The following IFT74 variants were observed in gnomAD, a reference collection of about 807,000 sequenced individuals.
The protein encoded by IFT74 is intraflagellar transport 74.
Under a neutral mutation model 96.7 loss-of-function variants are expected in IFT74, and 92 were observed. The ratio of observed to expected loss-of-function variants is 0.95; its 90% CI spans 0.80 to 1.13. The LOEUF (loss-of-function observed/expected upper bound fraction) is 1.13. IFT74 is among the 50% of genes most tolerant of loss of function. The pLI is 0.00. For synonymous variants in IFT74, 223 were observed against 213.2 expected (o/e 1.05, Z -0.40); for missense variants, 811 against 698.2 (o/e 1.16, Z -1.82).
intron 17 of IFT74, among the ~76,000 whole-genome samples, 163 bp from the exon 18 acceptor site, chr9:27,056,171 A>G (rs1173285196): frequency 4.6e-5 from 7 of 152,138 alleles, no homozygotes; most frequent in Non-Finnish European, 1.0e-4. Context: ...TAATGTTAAC[A>G]TAGCTTATAG....
chr9:27,064,129 C>A lies in IFT74; in HGVS notation c.*1393C>A, dbSNP rs1820537350. On this transcript the variant is annotated 3_prime_UTR_variant, in exon 20 of 20. Transcript: ENST00000380062. ...TCCCAGAGATAGTTGTCCACAAAACCCTAACTTTCACAGAGCCTAGGTCAC... is the reference window on the plus strand; with the variant it reads ...TCCCAGAGATAGTTGTCCACAAAACACTAACTTTCACAGAGCCTAGGTCAC... Among the ~76,000 whole-genome samples, 1 of 151,982 alleles carries A rather than the reference C, an allele frequency of 6.6e-6. No individual in the cohort carries two copies. Among genetic ancestry groups the A allele is most frequent in the Admixed American group, 6.6e-5 (1 of 15,248 alleles).
At chr9:26,950,071 G>A (rs1000930587) in intron 1 of IFT74, among the ~76,000 whole-genome samples, 9 of 152,158 alleles carry the variant, frequency 5.9e-5, no homozygotes, top group Non-Finnish European at 7.3e-5. Flanking sequence ...CCAGCACTTT[G>A]GGAGGCCAAG....
At chr9:27,028,775 C>A in intron 12 of IFT74, 3 of 240,010 alleles carry the variant, frequency 1.2e-5, no homozygotes, top group Non-Finnish European at 2.4e-5. Flanking sequence ...AAAAAAAGAT[C>A]TAGACAAGAT....
At chr9:26,984,644 G>A in intron 6 of IFT74, 85 bp downstream of exon 6, 2 of 995,532 alleles carry the variant, frequency 2.0e-6, no homozygotes, top group Non-Finnish European at 3.1e-6. Flanking sequence ...GTAGGCAAAG[G>A]ACATGCACAG....
At chr9:27,060,803 CA>C (rs896494749) in intron 19 of IFT74, 152 bp downstream of exon 19, 40 of 461,040 alleles carry the variant, frequency 8.7e-5, no homozygotes, top group East Asian at 1.8e-4. Context: ...CTAAAAAATA[CA>C]AAAAAAACAT....
chr9:27,060,282 T>C (rs1031555896), intron 18 of IFT74, among the ~76,000 whole-genome samples: 2 of 152,204 alleles, frequency 1.3e-5, no homozygotes, highest in Non-Finnish European at 2.9e-5. Flanking sequence ...GTCCCATTTT[T>C]CTTTTAAAAG....
chr9:27,015,510 G>A (rs1587358048), intron 10 of IFT74, among the ~76,000 whole-genome samples: 2 of 152,034 alleles, frequency 1.3e-5, no homozygotes, highest in Admixed American at 1.3e-4. Context: ...GGTGGCAGGC[G>A]CCTATAATCC....
chr9:26,962,434 G>C (rs1273342562), intron 2 of IFT74, among the ~76,000 whole-genome samples: 1 of 152,146 alleles, frequency 6.6e-6, no homozygotes, highest in African/African-American at 2.4e-5. Flanking sequence ...TCAATTTAAA[G>C]CTGCAATAAT....
chr9:26,981,479 A>T (rs985098335), intron 4 of IFT74, among the ~76,000 whole-genome samples: 2 of 151,810 alleles, frequency 1.3e-5, no homozygotes, highest in Non-Finnish European at 2.9e-5. Flanking sequence ...CAGTGGCATG[A>T]TCTCGGTTGA....
intron 8 of IFT74, among the ~76,000 whole-genome samples, chr9:26,992,601 G>A (rs968547273): frequency 5.9e-5 from 9 of 151,944 alleles, no homozygotes; most frequent in African/African-American, 2.2e-4. Flanking sequence ...GCTGAGGCAC[G>A]CGAATCACTT....
chr9:26,989,362 A>T (rs1827772552), intron 7 of IFT74, among the ~76,000 whole-genome samples: 1 of 152,230 alleles, frequency 6.6e-6, no homozygotes, highest in Non-Finnish European at 1.5e-5. Flanking sequence ...TGATTCTAAA[A>T]TAAAAACAAA....
At chr9:27,049,838 C>T (rs1190134998) in intron 16 of IFT74, among the ~76,000 whole-genome samples, 3 of 152,140 alleles carry the variant, frequency 2.0e-5, no homozygotes, top group African/African-American at 7.2e-5. Flanking sequence ...ACTAGAGCAG[C>T]ACTGTCCAAG....
chr9:26,948,448 A>ATTTTTTTTT lies in IFT74; in HGVS notation c.-20+1334_-20+1342dup, dbSNP rs71841244. ...TGACAACCTGTGATGGCTTTCCATT[A>ATTTTTTTTT]TTTTTTTTTTTTTTTTTTTTTTTTT... On this transcript the variant is annotated intron_variant, in intron 1 of 19. Coordinates refer to the IFT74 transcript ENST00000433700. Among the ~76,000 whole-genome samples the ATTTTTTTTT allele has an allele frequency of 2.7e-3, 158 of 59,128 alleles. 24 individuals carry two copies. Among genetic ancestry groups the ATTTTTTTTT allele is most frequent in the Non-Finnish European group, 4.7e-3 (123 of 26,052 alleles). The allele number at this position is 59,128 out of a possible 152,430, so 38.8% of individuals were successfully genotyped here.
At chr9:26,999,768 T>TTA in intron 8 of IFT74, 50 of 988,292 alleles carry the variant, frequency 5.1e-5, no homozygotes, top group African/African-American at 9.1e-5. Flanking sequence ...AATCTGTTTA[T>TTA]TCTTTTTTTT....
chr9:27,011,915 A>G lies in IFT74; in HGVS notation c.736A>G (p.Thr246Ala). 1.9e-6 allele frequency: 3 copies of G among 1,567,162 alleles called. No homozygotes were observed. Among genetic ancestry groups the G allele is most frequent in the East Asian group, 2.3e-5 (1 of 43,322 alleles). The change falls in exon 10 of 20, where the codon ACA becomes GCA. Residue 246 changes from threonine (T) to alanine (A), a missense_variant. Coordinates refer to ENST00000380062, the MANE Select transcript of IFT74 (RefSeq NM_025103.4). ...TNEKLLQELDTLQQQLDSQNM... is the reference protein window; with the variant it reads ...TNEKLLQELDALQQQLDSQNM... ...TTTTTTTTCCACTTAGGAATTAGAT[A>G]CACTTCAACAACAATTGGATTCACA...
intron 2 of IFT74, among the ~76,000 whole-genome samples, chr9:26,971,348 G>A (rs1826868692): frequency 6.6e-6 from 1 of 152,068 alleles, no homozygotes; most frequent in East Asian, 1.9e-4. Flanking sequence ...TGGCTAGGGT[G>A]TAAATTCTGA....
Position 27,017,063 on chromosome 9 carries a change from A to G in IFT74, c.933+13A>G. Reference sequence around the variant, plus strand: ...ATTACTTAAGCAGGTGGGCAAAACAAACATACTTATTTTAAGATGTCTGGT... The same window carrying G: ...ATTACTTAAGCAGGTGGGCAAAACAGACATACTTATTTTAAGATGTCTGGT... On this transcript the variant is annotated intron_variant, in intron 11 of 19. Coordinates refer to ENST00000380062, the MANE Select transcript of IFT74 (RefSeq NM_025103.4). 6.3e-7 allele frequency: 1 copy of G among 1,589,126 alleles called. No individual in the cohort carries two copies. Among genetic ancestry groups the G allele is most frequent in the Non-Finnish European group, 8.5e-7 (1 of 1,171,182 alleles).
Position 27,064,114 on chromosome 9 carries a change from A to G in IFT74, c.*1378A>G, listed in dbSNP as rs970324587. On this transcript the variant is annotated 3_prime_UTR_variant, in exon 20 of 20. Coordinates refer to ENST00000380062, the MANE Select transcript of IFT74 (RefSeq NM_025103.4). ...ATACTGTAAAGCATTTCCCAGAGAT[A>G]GTTGTCCACAAAACCCTAACTTTCA... Among the ~76,000 whole-genome samples, 3 of 152,150 alleles carry G rather than the reference A, an allele frequency of 2.0e-5. No individual in the cohort carries two copies. The highest frequency in any genetic ancestry group is 6.5e-5 in the Admixed American group (1 of 15,276).
rs756463808 is a variant in IFT74, at chr9:27,047,246, A to G, written c.1109-28A>G. 1.4e-5 allele frequency: 19 copies of G among 1,338,268 alleles called. 1 individual carries two copies. The South Asian group carries it at 2.3e-4, about 16-fold the overall frequency. 82.9% of individuals were successfully genotyped at this position (1,338,268 alleles called of 1,614,324 possible). ...ATATAGTGTTAACTCTATCAGCAGT[A>G]ATCTCTCTTATGTTTTCCAATTGTC... On this transcript the variant is annotated intron_variant, in intron 14 of 19. Coordinates refer to ENST00000380062, the MANE Select transcript of IFT74 (RefSeq NM_025103.4).
Sources: gnomAD v4.1 joint callset for allele counts (sites outside exome capture counted in the v4.1 genomes callset) on GRCh38, gnomAD v4.1.1 for gene constraint, MANE v1.5 for transcripts, NCBI Gene and HGNC (gene_info 2026-07-23, HGNC 2026-07-21) for gene names.